Variants in ENTREP2 observed in about 807,000 individuals in gnomAD.
The protein encoded by ENTREP2 is endosomal transmembrane epsin interactor 2.
chr15:29,184,806 G>T, the ENTREP2 span, among the ~76,000 whole-genome samples: 1 of 152,090 alleles, frequency 6.6e-6, no homozygotes, highest in African/African-American at 2.4e-5. Context: ...CTCACTTTGG[G>T]GACCATGGGA....
chr15:29,511,767 C>T, the ENTREP2 span, among the ~76,000 whole-genome samples: 3 of 149,698 alleles, frequency 2.0e-5, no homozygotes, highest in East Asian at 2.0e-4. Flanking sequence ...TCGAAGGGTG[C>T]TCCCACAGCT....
At chr15:29,490,995 G>A in the ENTREP2 span, among the ~76,000 whole-genome samples, 40 of 152,326 alleles carry the variant, frequency 2.6e-4, no homozygotes, top group Middle Eastern at 3.4e-3. Context: ...GCAGCATGGC[G>A]GGCTGCAGAT....
At chr15:29,259,643 C>T in the ENTREP2 span, among the ~76,000 whole-genome samples, 1 of 152,014 alleles carries the variant, frequency 6.6e-6, no homozygotes, top group African/African-American at 2.4e-5. Context: ...CCCCCTACAC[C>T]CTGCTCACCC....
the ENTREP2 span, among the ~76,000 whole-genome samples, chr15:29,670,983 C>T: frequency 6.6e-6 from 1 of 152,168 alleles, no homozygotes; most frequent in Non-Finnish European, 1.5e-5. Context: ...AAGACCAAGG[C>T]AGGATTAGGA....
chr15:29,598,288 A>G, the ENTREP2 span, among the ~76,000 whole-genome samples: 1 of 152,286 alleles, frequency 6.6e-6, no homozygotes, highest in South Asian at 2.1e-4. Context: ...CCATTCTAGT[A>G]GATGTGTGGG....
At chr15:29,175,627 C>T in the ENTREP2 span, among the ~76,000 whole-genome samples, 12 of 152,168 alleles carry the variant, frequency 7.9e-5, no homozygotes, top group East Asian at 3.8e-4. Context: ...CTTTTTGAGA[C>T]GGAGTCTCAC....
At chr15:29,388,236 T>A in the ENTREP2 span, among the ~76,000 whole-genome samples, 1 of 152,208 alleles carries the variant, frequency 6.6e-6, no homozygotes, top group Admixed American at 6.5e-5. Context: ...AAAGGGCTCA[T>A]ATCCAGAATC....
At chr15:29,486,596 A>G in the ENTREP2 span, among the ~76,000 whole-genome samples, 1 of 152,204 alleles carries the variant, frequency 6.6e-6, no homozygotes, top group Non-Finnish European at 1.5e-5. Flanking sequence ...AGGCAGAGGC[A>G]AGAGAATCGC....
chr15:29,492,433 G>A, the ENTREP2 span, among the ~76,000 whole-genome samples: 1,511 of 152,272 alleles, frequency 9.9e-3, 21 homozygotes, highest in African/African-American at 0.035. Context: ...CCATGTGTTA[G>A]AGAGCAAGTC....
the ENTREP2 span, among the ~76,000 whole-genome samples, chr15:29,144,539 G>A: frequency 6.6e-6 from 1 of 152,164 alleles, no homozygotes; most frequent in East Asian, 1.9e-4. Flanking sequence ...GACCAGCCTG[G>A]GCATCATAGA....
At chr15:29,414,825 C>T in the ENTREP2 span, among the ~76,000 whole-genome samples, 2 of 151,968 alleles carry the variant, frequency 1.3e-5, no homozygotes, top group African/African-American at 4.8e-5. Flanking sequence ...ATATCACCAC[C>T]GATCCCACAG....
At chr15:29,631,852 T>C in the ENTREP2 span, among the ~76,000 whole-genome samples, 14 of 151,996 alleles carry the variant, frequency 9.2e-5, no homozygotes, top group African/African-American at 3.4e-4. Flanking sequence ...TGGATGGGAG[T>C]GGGAGTCCAC....
the ENTREP2 span, among the ~76,000 whole-genome samples, chr15:29,338,393 T>A: frequency 1.5e-5 from 2 of 137,362 alleles, no homozygotes; most frequent in Non-Finnish European, 3.0e-5. Context: ...GCCACTGCAC[T>A]CCAGCCTGGG....
the ENTREP2 span, among the ~76,000 whole-genome samples, chr15:29,653,897 C>A: frequency 1.3e-5 from 2 of 152,266 alleles, no homozygotes; most frequent in South Asian, 4.2e-4. Context: ...CGGAAAGAAT[C>A]TGGATTTTTA....
At chr15:29,501,972 G>T in the ENTREP2 span, among the ~76,000 whole-genome samples, 1 of 151,824 alleles carries the variant, frequency 6.6e-6, no homozygotes, top group African/African-American at 2.4e-5. Context: ...CTAAAGAAGT[G>T]CAAGACATAT....
chr15:29,149,662 C>A, the ENTREP2 span, among the ~76,000 whole-genome samples: 937 of 152,346 alleles, frequency 6.2e-3, 8 homozygotes, highest in African/African-American at 0.021. Context: ...CGGGGTCCCA[C>A]AGGCAGTGAT....
At chr15:29,537,357 C>T in the ENTREP2 span, among the ~76,000 whole-genome samples, 5 of 152,130 alleles carry the variant, frequency 3.3e-5, no homozygotes, top group South Asian at 4.1e-4. Flanking sequence ...CACAGCATGC[C>T]GTTATCCTTA....
At chr15:29,275,188 A>ACT in the ENTREP2 span, among the ~76,000 whole-genome samples, 1 of 152,238 alleles carries the variant, frequency 6.6e-6, no homozygotes, top group Non-Finnish European at 1.5e-5. Context: ...ATCCTTCAGT[A>ACT]GAACGATGAG....
the ENTREP2 span, among the ~76,000 whole-genome samples, chr15:29,168,208 C>G: frequency 2.0e-5 from 3 of 152,126 alleles, no homozygotes; most frequent in Non-Finnish European, 4.4e-5. Context: ...GGATAAAAGA[C>G]TACAAATAGG....
Sources: allele counts gnomAD v4.1 joint callset (sites outside exome capture counted in the v4.1 genomes callset), GRCh38; gene constraint gnomAD v4.1.1; transcripts MANE v1.5; gene names NCBI Gene and HGNC (gene_info 2026-07-23, HGNC 2026-07-21).